The following BRD9 variants were observed in gnomAD, a reference collection of about 807,000 sequenced individuals.
BRD9 encodes bromodomain containing 9.
A neutral mutation model predicts 68.7 loss-of-function variants in BRD9; 47 were observed. The ratio of observed to expected loss-of-function variants is 0.68; its 90% CI spans 0.54 to 0.87. The LOEUF is 0.87. Ranked by LOEUF, BRD9 falls within the 40% of genes least tolerant of loss-of-function variation. BRD9 has a pLI of 0.00. For missense variants in BRD9, 670 were observed against 748.4 expected (o/e 0.90, Z 1.22); for synonymous variants, 313 against 293.9 (o/e 1.06, Z -0.67).
At chr5:886,543 C>CT in intron 7 of BRD9, 49 bp downstream of exon 7, 1 of 1,538,294 alleles carries the variant, frequency 6.5e-7, no homozygotes, top group Non-Finnish European at 8.9e-7. Flanking sequence ...GCTTTCCTGG[C>CT]TATGGTGCTC....
At chr5:866,609 C>T (rs550099347) in intron 14 of BRD9, 2 of 152,558 alleles carry the variant, frequency 1.3e-5, no homozygotes, top group East Asian at 3.9e-4. Flanking sequence ...AGACGAGGAC[C>T]CCATTGGGAA....
chr5:891,190 G>T lies in BRD9; in HGVS notation c.365C>A (p.Pro122Gln). The T allele has an allele frequency of 6.4e-7, 1 of 1,551,742 alleles. No homozygotes were observed. Among genetic ancestry groups the T allele is most frequent in the Non-Finnish European group, 8.7e-7 (1 of 1,146,978 alleles). Residue 122 changes from proline (P) to glutamine (Q), a missense_variant, in exon 3 of 16, where the codon CCA (proline) becomes CAA (glutamine). By Grantham distance (76) the Pro-to-Gln change is moderately conservative. Transcript: ENST00000467963. ...CCGGCACGCTCGGACTGGCCGATCT[G>T]GGGGCGGCTCCACCTCCACCTTCTT... ...PGKKVEVEPP[P>Q]DRPVRACRTQ...
intron 8 of BRD9, chr5:883,350 C>T (rs1045947559): frequency 4.2e-5 from 19 of 456,694 alleles, no homozygotes; most frequent in Middle Eastern, 6.5e-4. Context: ...ATTAATGTCA[C>T]CTGCATTGCT....
At chr5:876,992 A>G (rs1230817758) in intron 11 of BRD9, among the ~76,000 whole-genome samples, 1 of 152,256 alleles carries the variant, frequency 6.6e-6, no homozygotes, top group East Asian at 1.9e-4. Flanking sequence ...ACGTAGCCTC[A>G]TGCCAGGCCC....
chr5:889,974 C>T (rs2150655015), intron 3 of BRD9: 3 of 356,920 alleles, frequency 8.4e-6, no homozygotes, highest in South Asian at 6.5e-5. Flanking sequence ...ACGCTCTGGA[C>T]ATAAAGGTTG....
chr5:873,245 T>TC (rs1344873517), intron 12 of BRD9, among the ~76,000 whole-genome samples: 1 of 152,100 alleles, frequency 6.6e-6, no homozygotes, highest in East Asian at 1.9e-4. Flanking sequence ...ACCTGGACCC[T>TC]CCACCTAGGA....
At chr5:876,059 C>T (rs1216577123) in intron 12 of BRD9, 42 bp downstream of exon 12, 1 of 1,463,946 alleles carries the variant, frequency 6.8e-7, no homozygotes, top group African/African-American at 1.4e-5. Flanking sequence ...AGCAGCACCC[C>T]AAGGGCACCT....
chr5:881,199 C>T lies in BRD9; in HGVS notation c.967-17G>A. Reference sequence around the variant, plus strand: ...ATAGCCCATCTGGAAGGAAGCACTGCCTGAGCGTCTGTCCCTCAGGAGGGG... The same window carrying T: ...ATAGCCCATCTGGAAGGAAGCACTGTCTGAGCGTCTGTCCCTCAGGAGGGG... On this transcript the variant is annotated splice_polypyrimidine_tract_variant and intron_variant, in intron 8 of 15. Coordinates refer to ENST00000467963, the MANE Select transcript of BRD9 (RefSeq NM_023924.5). The T allele has an allele frequency of 6.2e-7, 1 of 1,613,026 alleles. No homozygotes were observed. Among genetic ancestry groups the T allele is most frequent in the South Asian group, 1.1e-5 (1 of 91,016 alleles).
chr5:888,153 G>T (rs544240445), intron 5 of BRD9: 295 of 153,758 alleles, frequency 1.9e-3, no homozygotes, highest in Non-Finnish European at 3.0e-3. Context: ...CAGCCCTAGG[G>T]CCCGGCCCGA....
In BRD9 at chr5:890,400, C is replaced by T. The variant is rs1037996105; in HGVS notation, c.401-753G>A. Among the ~76,000 whole-genome samples, 3 of 152,144 alleles carry T rather than the reference C, an allele frequency of 2.0e-5. No individual in the cohort carries two copies. In the East Asian group the frequency reaches 5.8e-4, roughly 29 times the overall value. The stretch of plus-strand genomic sequence containing the variant: ...GTCTGTTTCCCTATAATCCAGGAAC[C>T]ACTGGATGCTGAGAGTTGCTGGGAA... On this transcript the variant is annotated intron_variant, in intron 3 of 15. Coordinates refer to ENST00000467963, the MANE Select transcript of BRD9 (RefSeq NM_023924.5).
At chr5:883,618 G>A (rs1752119715) in intron 8 of BRD9, 1 of 440,852 alleles carries the variant, frequency 2.3e-6, no homozygotes, top group Non-Finnish European at 4.2e-6. Flanking sequence ...TCAACACCCA[G>A]TGACAGAGAC....
At position 876,152 on chromosome 5, in the gene BRD9, C is replaced by T; in HGVS notation, c.1332G>A (p.Leu444=). The change falls in exon 12 of 16, where the codon CTG becomes CTA. Residue 444 remains leucine (L), a synonymous_variant. Transcript: ENST00000467963. ...AGTGGTCTCCGCCTGTGATCTGGTC[C>T]AGGAGGTCGTCCACCACTTTCTTGC... ...SYSKKVVDDL[L]DQITGGDHSR... 1.2e-6 allele frequency: 2 copies of T among 1,613,776 alleles called. No homozygotes were observed. The highest frequency in any genetic ancestry group is 2.7e-5 in the African/African-American group (2 of 74,978).
At chr5:883,539 C>A in intron 8 of BRD9, 1 of 424,002 alleles carries the variant, frequency 2.4e-6, no homozygotes, top group South Asian at 1.7e-5. Context: ...CAGTCGGTGG[C>A]CTATTATGGA....
At position 877,702 on chromosome 5, in the gene BRD9, T is replaced by C. The variant is rs142845750; in HGVS notation, c.1271+653A>G. 1.8e-3 allele frequency among the ~76,000 whole-genome samples: 268 copies of C among 152,288 alleles called. 2 individuals carry two copies. The highest frequency in any genetic ancestry group is 6.2e-3 in the African/African-American group (258 of 41,564). On this transcript the variant is annotated intron_variant, in intron 11 of 15. Transcript: ENST00000467963. Reference sequence around the variant, plus strand: ...TTAGCCTGCCATGGCCTGAATTGTATCTCCCGCTCAGAGTTCGTAAGTTGA... The same window carrying C: ...TTAGCCTGCCATGGCCTGAATTGTACCTCCCGCTCAGAGTTCGTAAGTTGA...
intron 7 of BRD9, 86 bp from the exon 8 acceptor site, chr5:884,156 C>G (rs980757549): frequency 7.2e-6 from 11 of 1,534,934 alleles, no homozygotes; most frequent in Admixed American, 5.3e-5. Flanking sequence ...AACCCAGCTT[C>G]TACCGACCCT....
intron 13 of BRD9, 59 bp downstream of exon 13, chr5:871,467 G>T (rs1750118023): frequency 3.3e-6 from 5 of 1,530,904 alleles, no homozygotes; most frequent in Non-Finnish European, 4.5e-6. Context: ...TCAAAGGCTG[G>T]ATACAACTTT....
chr5:873,235 A>C (rs552901549), intron 12 of BRD9, among the ~76,000 whole-genome samples: 13 of 152,158 alleles, frequency 8.5e-5, no homozygotes, highest in Non-Finnish European at 1.8e-4. Flanking sequence ...TCTTTCAGAA[A>C]CCTGGACCCT....
At chr5:876,362 A>G (rs930049983) in intron 11 of BRD9, 150 bp from the exon 12 acceptor site, 1 of 593,992 alleles carries the variant, frequency 1.7e-6, no homozygotes, top group Non-Finnish European at 3.0e-6. Flanking sequence ...AGTGGCTGAT[A>G]GTTTTCATTA....
In BRD9 at chr5:864,282, C is replaced by T; in HGVS notation, c.*186G>A. ...CATATGGCCTTCGCGTATGACTCCACTCCTCAGGGTTCGTGGGGCTTGGAG... is the reference window on the plus strand; with the variant it reads ...CATATGGCCTTCGCGTATGACTCCATTCCTCAGGGTTCGTGGGGCTTGGAG... On this transcript the variant is annotated 3_prime_UTR_variant, in exon 16 of 16. Coordinates refer to ENST00000467963, the MANE Select transcript of BRD9 (RefSeq NM_023924.5). 2 of 501,266 alleles carry T rather than the reference C, an allele frequency of 4.0e-6. No individual in the cohort carries two copies. The highest frequency in any genetic ancestry group is 7.2e-6 in the Non-Finnish European group (2 of 276,914). 31.1% of individuals were successfully genotyped at this position (501,266 alleles called of 1,614,324 possible).
Sources: gnomAD v4.1 joint callset for allele counts (sites outside exome capture counted in the v4.1 genomes callset) on GRCh38, gnomAD v4.1.1 for gene constraint, MANE v1.5 for transcripts, NCBI Gene and HGNC (gene_info 2026-07-23, HGNC 2026-07-21) for gene names.